Variants in CEPT1 observed in about 807,000 individuals in gnomAD.
The protein encoded by CEPT1 is choline/ethanolaminephosphotransferase 1.
Under a neutral mutation model 42.6 loss-of-function variants are expected in CEPT1, and 7 were observed. The observed-to-expected ratio is 0.16, with a 90% CI of 0.09 to 0.31. The LOEUF is 0.31. CEPT1 is among the 10% of genes least tolerant of loss of function. The pLI is 1.00. For synonymous variants in CEPT1, 171 were observed against 171.9 expected, an observed-to-expected ratio of 0.99 and a Z score of 0.04; for missense variants, 306 against 502.1, an observed-to-expected ratio of 0.61 and a Z score of 3.73.
At chr1:111,146,467 T>G (rs892968460) in intron 1 of CEPT1, among the ~76,000 whole-genome samples, 8 of 152,192 alleles carry the variant, frequency 5.3e-5, no homozygotes, top group Admixed American at 2.0e-4. Context: ...TTCTGTTTCC[T>G]CACCTCTCAT....
At chr1:111,173,087 T>C (rs140515505) in intron 4 of CEPT1, 1 of 152,352 alleles carries the variant, frequency 6.6e-6, no homozygotes, top group East Asian at 1.9e-4. Flanking sequence ...TGTAATTCTA[T>C]ACTTCTGGCC....
intron 2 of CEPT1, among the ~76,000 whole-genome samples, chr1:111,155,541 T>C (rs929391607): frequency 6.6e-6 from 1 of 151,912 alleles, no homozygotes; most frequent in Middle Eastern, 3.4e-3. Flanking sequence ...TATTCACTTT[T>C]TTGGGGGTTT....
intron 2 of CEPT1, among the ~76,000 whole-genome samples, chr1:111,155,040 AT>A (rs1366179605): frequency 2.0e-5 from 3 of 152,200 alleles, no homozygotes; most frequent in Admixed American, 6.5e-5. Flanking sequence ...GTATTTTGGA[AT>A]AGTTTCAGAA....
intron 3 of CEPT1, chr1:111,160,925 AG>A: frequency 1.8e-6 from 1 of 542,042 alleles, no homozygotes; most frequent in Non-Finnish European, 3.3e-6. Flanking sequence ...GTTGCCTTCA[AG>A]AACTTTGCTT....
chr1:111,171,805 C>T (rs1166015759), intron 4 of CEPT1, among the ~76,000 whole-genome samples: 2 of 152,182 alleles, frequency 1.3e-5, no homozygotes, highest in Admixed American at 1.3e-4. Flanking sequence ...ATGGCACAGT[C>T]TCAGCTCACC....
intron 4 of CEPT1, among the ~76,000 whole-genome samples, chr1:111,164,132 G>C (rs1385723242): frequency 6.6e-6 from 1 of 152,066 alleles, no homozygotes; most frequent in Non-Finnish European, 1.5e-5. Context: ...TTTGCTTATA[G>C]TATCTTGAAC....
intron 6 of CEPT1, 29 bp downstream of exon 6, chr1:111,182,347 T>C (rs1304909194): frequency 6.2e-7 from 1 of 1,603,058 alleles, no homozygotes. Context: ...TTTCAACACT[T>C]GTTTACACTA....
chr1:111,181,550 G>T (rs1030921543), intron 5 of CEPT1: 1 of 152,086 alleles, frequency 6.6e-6, no homozygotes, highest in African/African-American at 2.4e-5. Flanking sequence ...TCAAAATTTT[G>T]TATGCACAAT....
rs1395003962 is a variant in CEPT1, at chr1:111,157,139, T to C, written c.340-2241T>C. ...GCACAAGGAAGAAGTATATAAATATTAGTGTATCATTGTGCAGATTCACAG... is the reference window on the plus strand; with the variant it reads ...GCACAAGGAAGAAGTATATAAATATCAGTGTATCATTGTGCAGATTCACAG... On this transcript the variant is annotated intron_variant, in intron 2 of 8. Coordinates refer to ENST00000357172, the MANE Select transcript of CEPT1 (RefSeq NM_006090.5). 3.9e-5 allele frequency among the ~76,000 whole-genome samples: 6 copies of C among 152,326 alleles called. No homozygotes were observed. The East Asian group carries it at 1.2e-3, about 29-fold the overall frequency.
intron 2 of CEPT1, among the ~76,000 whole-genome samples, chr1:111,154,047 A>G (rs976202267): frequency 3.9e-5 from 6 of 151,972 alleles, no homozygotes; most frequent in Non-Finnish European, 7.4e-5. Context: ...TTTGGGTAGT[A>G]TGGCCATTTT....
intron 5 of CEPT1, 116 bp downstream of exon 5, chr1:111,175,079 A>G: frequency 1.4e-6 from 1 of 691,966 alleles, no homozygotes; most frequent in South Asian, 1.6e-5. Flanking sequence ...TTTTTTTCCA[A>G]ACAGTAGAAC....
intron 8 of CEPT1, 123 bp from the exon 9 acceptor site, chr1:111,184,068 A>G: frequency 9.8e-7 from 1 of 1,017,614 alleles, no homozygotes; most frequent in Non-Finnish European, 1.4e-6. Flanking sequence ...GATTGCAAGG[A>G]AATTGAATTA....
At chr1:111,161,366 G>A in intron 4 of CEPT1, 70 bp downstream of exon 4, 1 of 1,407,678 alleles carries the variant, frequency 7.1e-7, no homozygotes, top group African/African-American at 1.4e-5. Flanking sequence ...ATAAGTATTT[G>A]AGTATTAGAA....
chr1:111,180,896 GCTCA>G (rs1656938885), intron 5 of CEPT1: 1 of 152,224 alleles, frequency 6.6e-6, no homozygotes, highest in Non-Finnish European at 1.5e-5. Flanking sequence ...GGGCATGGTG[GCTCA>G]CACCTGTAAT....
chr1:111,182,109 A>G, intron 5 of CEPT1, 78 bp from the exon 6 acceptor site: 1 of 1,178,406 alleles, frequency 8.5e-7, no homozygotes, highest in Non-Finnish European at 1.2e-6. Context: ...GTTTTTGGGA[A>G]TATGAATCAA....
chr1:111,171,050 A>G (rs3790715), intron 4 of CEPT1, among the ~76,000 whole-genome samples: 15,951 of 152,220 alleles, frequency 0.1, 1,110 homozygotes, highest in East Asian at 0.31. Flanking sequence ...TTTAGAGGGG[A>G]AAGACATTAA....
intron 3 of CEPT1, chr1:111,160,674 C>A (rs915620996): frequency 6.6e-6 from 1 of 152,440 alleles, no homozygotes; most frequent in South Asian, 2.1e-4. Flanking sequence ...GTCATTTTTG[C>A]GTTGTAGTTT....
rs1655756271 is a variant in CEPT1, at chr1:111,159,422, A to C, written c.382A>C (p.Ile128Leu). ...AYIACACGLF[I>L]YQSLDAIDGK... ...TATTGCTTGTGCCTGTGGCCTTTTC[A>C]TTTACCAGTCTTTGGATGCTATTGA... The change falls in exon 3 of 9, where the codon ATT becomes CTT. Residue 128 changes from isoleucine to leucine, a missense_variant. Transcript: ENST00000357172. 6 of 1,612,546 alleles carry C rather than the reference A, an allele frequency of 3.7e-6. No individual in the cohort carries two copies. The highest frequency in any genetic ancestry group is 5.1e-6 in the Non-Finnish European group (6 of 1,179,546).
At chr1:111,167,756 G>T (rs1656208389) in intron 4 of CEPT1, 1 of 969,576 alleles carries the variant, frequency 1.0e-6, no homozygotes, top group Non-Finnish European at 1.2e-6. Context: ...ACTCTTAGTT[G>T]TGCTTTTGAA....
Sources: gnomAD v4.1 joint callset for allele counts (sites outside exome capture counted in the v4.1 genomes callset) on GRCh38, gnomAD v4.1.1 for gene constraint, MANE v1.5 for transcripts, NCBI Gene and HGNC (gene_info 2026-07-23, HGNC 2026-07-21) for gene names.